The following NXPE2 variants were observed in gnomAD, a reference collection of about 807,000 sequenced individuals.
NXPE2 encodes the protein NXPE family member 2.
A neutral mutation model predicts 34.4 loss-of-function variants in NXPE2; 34 were observed. The ratio of observed to expected loss-of-function variants is 0.99; its 90% CI spans 0.75 to 1.31. NXPE2 has a LOEUF of 1.31. Ranked by LOEUF, NXPE2 falls within the 40% of genes most tolerant of loss-of-function variation. The pLI is 0.00. For missense variants in NXPE2, 649 were observed against 672.5 expected (o/e 0.97, Z 0.39); for synonymous variants, 235 against 231.3 (o/e 1.02, Z -0.15).
At chr11:114,718,239 CT>C in the NXPE2 span, among the ~76,000 whole-genome samples, 4 of 152,158 alleles carry the variant, frequency 2.6e-5, no homozygotes, top group Admixed American at 2.0e-4. Flanking sequence ...TTTAACTTCT[CT>C]GTATTTTGGT....
chr11:114,525,864 T>A, the NXPE2 span, among the ~76,000 whole-genome samples: 15 of 152,184 alleles, frequency 9.9e-5, no homozygotes, highest in Non-Finnish European at 1.5e-4. Context: ...TGGAAGTTAA[T>A]CCACTGGGCA....
chr11:114,552,422 C>T, the NXPE2 span, among the ~76,000 whole-genome samples: 2 of 152,074 alleles, frequency 1.3e-5, no homozygotes, highest in African/African-American at 4.8e-5. Context: ...ATGTCTATCG[C>T]AGCATTCCAT....
the NXPE2 span, among the ~76,000 whole-genome samples, chr11:114,658,480 G>C: frequency 1.3e-5 from 2 of 152,088 alleles, no homozygotes; most frequent in Non-Finnish European, 2.9e-5. Flanking sequence ...CAGGAGACCA[G>C]ACCTCACTAA....
chr11:114,650,571 G>GA, the NXPE2 span, among the ~76,000 whole-genome samples: 1 of 151,192 alleles, frequency 6.6e-6, no homozygotes, highest in African/African-American at 2.4e-5. Flanking sequence ...CCCAGGAAGT[G>GA]AGAAAAAATC....
downstream of NXPE2, among the ~76,000 whole-genome samples, chr11:114,708,234 G>A (rs1354073415): frequency 6.6e-6 from 1 of 152,120 alleles, no homozygotes; most frequent in Non-Finnish European, 1.5e-5. Flanking sequence ...ATTCCAGTAA[G>A]AATCATGGAT....
the NXPE2 span, among the ~76,000 whole-genome samples, chr11:114,490,549 A>T: frequency 6.6e-6 from 1 of 152,194 alleles, no homozygotes; most frequent in East Asian, 1.9e-4. Context: ...ATAATGCCGC[A>T]TATCTACAAC....
the NXPE2 span, chr11:114,522,550 T>C: frequency 7.0e-7 from 1 of 1,438,354 alleles, no homozygotes; most frequent in Non-Finnish European, 9.4e-7. Flanking sequence ...TAATGGTTAA[T>C]ATTCATGAAA....
chr11:114,519,240 G>T, the NXPE2 span, among the ~76,000 whole-genome samples: 1 of 152,082 alleles, frequency 6.6e-6, no homozygotes, highest in Non-Finnish European at 1.5e-5. Context: ...TTGGCAAAAA[G>T]GTTCATTCTG....
chr11:114,601,829 TA>T, the NXPE2 span, among the ~76,000 whole-genome samples: 3 of 70,554 alleles, frequency 4.3e-5, no homozygotes, highest in African/African-American at 5.6e-5. Context: ...ATATAATATA[TA>T]ATTATATATA....
At chr11:114,477,368 A>G in the NXPE2 span, among the ~76,000 whole-genome samples, 2 of 152,246 alleles carry the variant, frequency 1.3e-5, no homozygotes, top group South Asian at 2.1e-4. Flanking sequence ...TGCCCTCACT[A>G]CAAAACAATA....
the NXPE2 span, among the ~76,000 whole-genome samples, chr11:114,546,853 G>A: frequency 2.8e-3 from 433 of 152,274 alleles, 5 homozygotes; most frequent in African/African-American, 9.4e-3. Flanking sequence ...GGAACCAATG[G>A]AAAGAGCTCT....
the NXPE2 span, among the ~76,000 whole-genome samples, chr11:114,653,804 A>G: frequency 6.6e-6 from 1 of 152,054 alleles, no homozygotes; most frequent in East Asian, 1.9e-4. Flanking sequence ...CTGGGATTAC[A>G]GGCGTGAGCC....
chr11:114,716,352 A>G, the NXPE2 span, among the ~76,000 whole-genome samples: 1 of 152,148 alleles, frequency 6.6e-6, no homozygotes, highest in Non-Finnish European at 1.5e-5. Flanking sequence ...AGGGATTCTG[A>G]TGCTCCATGG....
rs544632491 is a variant in NXPE2 at position 114,680,199 on chromosome 11, G to C, written c.132+437G>C. ...TTTTTCTTAACTCACCTTGCTTCCAGTTTCTTTTCTTCCCAACCATTTAGT... is the reference window on the plus strand; with the variant it reads ...TTTTTCTTAACTCACCTTGCTTCCACTTTCTTTTCTTCCCAACCATTTAGT... On this transcript the variant is annotated intron_variant, in intron 2 of 5. Transcript: ENST00000389586. Among the ~76,000 whole-genome samples the C allele has an allele frequency of 4.0e-4, 61 of 152,150 alleles. No individual in the cohort carries two copies. In the South Asian group the frequency reaches 0.011, roughly 28 times the overall value.
chr11:114,650,748 T>G, the NXPE2 span, among the ~76,000 whole-genome samples: 9 of 151,652 alleles, frequency 5.9e-5, no homozygotes, highest in African/African-American at 1.9e-4. Flanking sequence ...CAAGGCAGAG[T>G]GCGGTTGCCA....
At chr11:114,530,200 C>A in the NXPE2 span, 2 of 1,609,418 alleles carry the variant, frequency 1.2e-6, no homozygotes, top group Admixed American at 1.7e-5. Flanking sequence ...TTTTCCTTGT[C>A]TGTAAGATAA....
the NXPE2 span, among the ~76,000 whole-genome samples, chr11:114,639,373 C>T: frequency 2.4e-4 from 36 of 152,056 alleles, no homozygotes; most frequent in African/African-American, 7.9e-4. Context: ...CGTCTGTTAC[C>T]CCTTTCTTTG....
At chr11:114,621,795 T>G in the NXPE2 span, among the ~76,000 whole-genome samples, 1 of 152,126 alleles carries the variant, frequency 6.6e-6, no homozygotes, top group Non-Finnish European at 1.5e-5. Flanking sequence ...ACCCACTGGA[T>G]AATAATTATT....
the NXPE2 span, among the ~76,000 whole-genome samples, chr11:114,802,437 T>A: frequency 2.1e-3 from 322 of 152,344 alleles, 6 homozygotes; most frequent in Admixed American, 0.019. Flanking sequence ...ATCACTGATT[T>A]GTCCGGGTTT....
Sources: allele counts gnomAD v4.1 joint callset (sites outside exome capture counted in the v4.1 genomes callset), GRCh38; gene constraint gnomAD v4.1.1; transcripts MANE v1.5; gene names NCBI Gene and HGNC (gene_info 2026-07-23, HGNC 2026-07-21).